NMNAT3: variants seen among roughly 807,000 people sequenced by gnomAD.
The protein encoded by NMNAT3 is nicotinamide nucleotide adenylyltransferase 3.
NMNAT3 carries 21 observed loss-of-function variants against 24.8 expected under a neutral mutation model. The observed-to-expected ratio is 0.85, with a 90% CI of 0.60 to 1.22. The LOEUF (loss-of-function observed/expected upper bound fraction) is 1.22, where lower values mean the gene tolerates loss of function less well. NMNAT3 is among the 50% of genes most tolerant of loss of function. The pLI is 0.00. For synonymous variants in NMNAT3, 136 were observed against 155.2 expected (o/e 0.88, Z 0.92); for missense variants, 387 against 436.6 (o/e 0.89, Z 1.01).
chr3:139,631,817 G>GCCC (rs1249666673), intron 2 of NMNAT3, among the ~76,000 whole-genome samples: 1 of 152,034 alleles, frequency 6.6e-6, no homozygotes, highest in Non-Finnish European at 1.5e-5. Context: ...CCCCCCTACT[G>GCCC]CCCTCACCAC....
chr3:139,649,197 A>G (rs1345112628), intron 1 of NMNAT3, among the ~76,000 whole-genome samples: 1 of 152,198 alleles, frequency 6.6e-6, no homozygotes, highest in Non-Finnish European at 1.5e-5. Flanking sequence ...TGTCTGGCAA[A>G]CAGTGGCGAC....
At chr3:139,577,526 G>A (rs1939513519) in intron 5 of NMNAT3, among the ~76,000 whole-genome samples, 1 of 152,200 alleles carries the variant, frequency 6.6e-6, no homozygotes, top group African/African-American at 2.4e-5. Context: ...GGGTGGAGGA[G>A]CAAGCGTCTG....
chr3:139,654,996 A>T (rs1472229622), intron 1 of NMNAT3, among the ~76,000 whole-genome samples: 1 of 152,208 alleles, frequency 6.6e-6, no homozygotes, highest in Non-Finnish European at 1.5e-5. Flanking sequence ...CTAGGTGGGC[A>T]GAGGAGAGCC....
chr3:139,676,154 T>C (rs2057922889), intron 1 of NMNAT3, among the ~76,000 whole-genome samples: 1 of 152,196 alleles, frequency 6.6e-6, no homozygotes, highest in Non-Finnish European at 1.5e-5. Context: ...TCCCCACAAA[T>C]GGTGCCAGAC....
intron 3 of NMNAT3, among the ~76,000 whole-genome samples, chr3:139,596,810 C>G (rs2054480890): frequency 6.6e-6 from 1 of 151,222 alleles, no homozygotes; most frequent in African/African-American, 2.4e-5. Flanking sequence ...GCCTGCTGCC[C>G]TTGGTGCCCT....
At position 139,561,172 on chromosome 3, in the gene NMNAT3, C is replaced by A. The variant is rs1936326631; in HGVS notation, c.879G>T (p.Glu293Asp). ...CTCGCCTGATGTATGTGGCACTGAT[C>A]TCATTCTGCACAGGCTCCTTGGCCA... is the stretch of plus-strand genomic sequence containing the variant. The change falls in exon 7 of 7, where the codon GAG (glutamate) becomes GAT (aspartate). Residue 293 changes from glutamate to aspartate, a missense_variant. By Grantham distance (45) the Glu-to-Asp change is conservative. Transcript: ENST00000643695. 2.5e-6 allele frequency: 4 copies of A among 1,614,074 alleles called. No homozygotes were observed. Among genetic ancestry groups the A allele is most frequent in the Admixed American group, 3.3e-5 (2 of 60,008 alleles).
intron 1 of NMNAT3, among the ~76,000 whole-genome samples, chr3:139,643,916 C>T (rs1020431575): frequency 6.6e-6 from 1 of 152,312 alleles, no homozygotes; most frequent in East Asian, 1.9e-4. Context: ...CCTTGTTAAG[C>T]CTTCTCTGAT....
intron 1 of NMNAT3, among the ~76,000 whole-genome samples, chr3:139,639,254 G>A (rs1028589784): frequency 3.9e-5 from 6 of 152,186 alleles, no homozygotes; most frequent in Admixed American, 1.3e-4. Context: ...GGTGTAAAAC[G>A]TGTGTGGAAT....
At chr3:139,589,942 A>G (rs2054094995) in intron 3 of NMNAT3, among the ~76,000 whole-genome samples, 1 of 152,196 alleles carries the variant, frequency 6.6e-6, no homozygotes, top group Non-Finnish European at 1.5e-5. Flanking sequence ...ACCCAAAAGC[A>G]GAAGGCATGG....
chr3:139,567,287 C>A (rs1447696534), intron 6 of NMNAT3: 3 of 151,912 alleles, frequency 2.0e-5, no homozygotes, highest in South Asian at 2.1e-4. Flanking sequence ...TCTAGATATA[C>A]AATCATGTCA....
intron 1 of NMNAT3, among the ~76,000 whole-genome samples, chr3:139,677,249 C>T (rs1289673699): frequency 6.6e-6 from 1 of 152,188 alleles, no homozygotes; most frequent in Non-Finnish European, 1.5e-5. Context: ...GCATAGATAT[C>T]CATTTGCTGT....
chr3:139,646,760 TA>T (rs1576734744), intron 1 of NMNAT3, among the ~76,000 whole-genome samples: 1 of 152,278 alleles, frequency 6.6e-6, no homozygotes, highest in East Asian at 1.9e-4. Context: ...GAAATGGAGG[TA>T]TTAGACATTA....
chr3:139,591,594 G>T (rs1219321815), intron 3 of NMNAT3, among the ~76,000 whole-genome samples: 1 of 152,200 alleles, frequency 6.6e-6, no homozygotes, highest in African/African-American at 2.4e-5. Flanking sequence ...AGAGAGCAGT[G>T]GTTCTCCCAC....
intron 3 of NMNAT3, among the ~76,000 whole-genome samples, chr3:139,621,517 G>A (rs2055772439): frequency 6.6e-6 from 1 of 152,144 alleles, no homozygotes; most frequent in Admixed American, 6.5e-5. Flanking sequence ...GATTACAGGT[G>A]TGTACCACCA....
chr3:139,645,018 A>G (rs754472137), intron 1 of NMNAT3, among the ~76,000 whole-genome samples: 32 of 152,182 alleles, frequency 2.1e-4, no homozygotes, highest in Non-Finnish European at 3.5e-4. Flanking sequence ...CCTGAACAAA[A>G]TGGTGAGACC....
chr3:139,672,062 T>C (rs2108459266), intron 1 of NMNAT3, among the ~76,000 whole-genome samples: 2 of 152,372 alleles, frequency 1.3e-5, no homozygotes, highest in South Asian at 4.1e-4. Flanking sequence ...GGGCTGCTGA[T>C]GGCAGTGGTT....
At chr3:139,587,205 C>T (rs1005916107) in intron 3 of NMNAT3, among the ~76,000 whole-genome samples, 3 of 152,186 alleles carry the variant, frequency 2.0e-5, no homozygotes, top group Admixed American at 1.3e-4. Flanking sequence ...CACAGATCCA[C>T]AGCAATTCTA....
intron 3 of NMNAT3, among the ~76,000 whole-genome samples, chr3:139,588,398 A>G (rs2054028055): frequency 6.6e-6 from 1 of 152,248 alleles, no homozygotes; most frequent in African/African-American, 2.4e-5. Context: ...GAAAACTAAG[A>G]AAATGATAAT....
At position 139,583,468 on chromosome 3, in the gene NMNAT3, T is replaced by G. The variant is rs2053763715; in HGVS notation, c.110-260A>C. On this transcript the variant is annotated intron_variant, in intron 3 of 6. Transcript: ENST00000643695. The stretch of plus-strand genomic sequence containing the variant: ...GAGCTTTTTGAAGAACTTCTTGAGA[T>G]GCTAAACATAAGTTTTGAAGGGGAT... 2.5e-6 allele frequency: 4 copies of G among 1,602,668 alleles called. No homozygotes were observed. In the Admixed American group the frequency reaches 6.7e-5, roughly 27 times the overall value.
Sources: gnomAD v4.1 joint callset for allele counts (sites outside exome capture counted in the v4.1 genomes callset) on GRCh38, gnomAD v4.1.1 for gene constraint, MANE v1.5 for transcripts, NCBI Gene and HGNC (gene_info 2026-07-23, HGNC 2026-07-21) for gene names.